E2F3: variants seen among roughly 807,000 people sequenced by gnomAD.
The protein encoded by E2F3 is E2F transcription factor 3, also known as transcription factor E2F3.
E2F3 carries 11 observed loss-of-function variants against 44.4 expected under a neutral mutation model. The ratio of observed to expected loss-of-function variants is 0.25; its 90% CI spans 0.16 to 0.41. The LOEUF (loss-of-function observed/expected upper bound fraction) is 0.41, where lower values mean the gene tolerates loss of function less well. E2F3 is among the 10% of genes least tolerant of loss of function. E2F3 has a pLI of 1.00. For synonymous variants in E2F3, 249 were observed against 253.0 expected, an observed-to-expected ratio of 0.98 and a Z score of 0.15; for missense variants, 487 against 583.6, an observed-to-expected ratio of 0.83 and a Z score of 1.70.
chr6:20,451,373 A>G (rs752576965), intron 1 of E2F3, among the ~76,000 whole-genome samples: 1 of 152,082 alleles, frequency 6.6e-6, no homozygotes, highest in Non-Finnish European at 1.5e-5. Flanking sequence ...AACTGTTGGT[A>G]TATGGGAATG....
chr6:20,480,176 A>ACTGT (rs1762174816), intron 2 of E2F3: 1 of 601,412 alleles, frequency 1.7e-6, no homozygotes, highest in African/African-American at 2.0e-5. Flanking sequence ...ACTTCTTTTA[A>ACTGT]CTGTATGTAG....
chr6:20,416,913 G>A (rs149973941), intron 1 of E2F3, among the ~76,000 whole-genome samples: 124 of 152,104 alleles, frequency 8.2e-4, no homozygotes, highest in African/African-American at 2.9e-3. Context: ...CCTTTAAATG[G>A]GAGGGCTTTG....
At chr6:20,461,034 A>G (rs1185646883) in intron 1 of E2F3, among the ~76,000 whole-genome samples, 3 of 141,058 alleles carry the variant, frequency 2.1e-5, no homozygotes, top group East Asian at 4.2e-4. Flanking sequence ...AGCCATGTAT[A>G]TTTTAAATAT....
intron 1 of E2F3, among the ~76,000 whole-genome samples, chr6:20,420,748 G>T (rs1167142651): frequency 6.6e-6 from 1 of 152,194 alleles, no homozygotes; most frequent in African/African-American, 2.4e-5. Context: ...TCACACTGAA[G>T]ACTGTTGCTG....
At chr6:20,454,896 T>C (rs760631137) in intron 1 of E2F3, among the ~76,000 whole-genome samples, 4 of 152,274 alleles carry the variant, frequency 2.6e-5, no homozygotes, top group Non-Finnish European at 5.9e-5. Context: ...GACATTAGAC[T>C]CCACTGGATA....
intron 1 of E2F3, among the ~76,000 whole-genome samples, chr6:20,478,582 G>A (rs1201789744): frequency 6.6e-6 from 1 of 152,198 alleles, no homozygotes; most frequent in Non-Finnish European, 1.5e-5. Flanking sequence ...GCCAAGGTGG[G>A]CAGATCACCA....
Position 20,402,570 on chromosome 6 carries a change from T to C in E2F3, c.338T>C (p.Leu113Pro). ...PHGPSSRAGL[L>P]QQPPALGRGG... is the part of the protein sequence containing the mutation. ...GGACCCTCCAGCAGAGCCGGGCTGC[T>C]GCAGCAGCCACCAGCGCTGGGACGC... The change falls in exon 1 of 7, where the codon CTG (leucine) becomes CCG (proline). Residue 113 changes from leucine (L) to proline (P), a missense_variant. Coordinates refer to ENST00000346618, the MANE Select transcript of E2F3 (RefSeq NM_001949.5). This position sits in a 1 kb window ranked among gnomAD's most constrained non-coding sequence, Gnocchi z 5.6. 6.5e-7 allele frequency: 1 copy of C among 1,526,784 alleles called. No individual in the cohort carries two copies. The highest frequency in any genetic ancestry group is 1.2e-5 in the South Asian group (1 of 83,628). The allele number at this position is 1,526,784 out of a possible 1,614,324, so 94.6% of individuals were successfully genotyped here. A position where few individuals can be genotyped will look rare whatever the true frequency, so the allele number is the denominator to read the frequency against.
intron 1 of E2F3, chr6:20,445,248 T>A: frequency 3.8e-6 from 1 of 261,704 alleles, no homozygotes; most frequent in Non-Finnish European, 5.2e-6. Context: ...ATTTTCTCCC[T>A]TTTTTTTTTT....
chr6:20,490,592 A>T lies in E2F3; in HGVS notation c.*162A>T, dbSNP rs1762528231. On this transcript the variant is annotated 3_prime_UTR_variant, in exon 7 of 7. Transcript: ENST00000346618. This position sits in a 1 kb window ranked among gnomAD's most constrained non-coding sequence, Gnocchi z 4.3. ...AAGCTGACATTTTAATGAATTTTTT[A>T]AAAAATTAATAAACAAATTGTCTAA... The T allele has an allele frequency of 1.3e-5, 10 of 761,886 alleles. No homozygotes were observed. Among genetic ancestry groups the T allele is most frequent in the African/African-American group, 7.3e-5 (4 of 54,770 alleles). 47.2% of individuals were successfully genotyped at this position (761,886 alleles called of 1,614,324 possible). A position where few individuals can be genotyped will look rare whatever the true frequency, so the allele number is the denominator to read the frequency against.
intron 3 of E2F3, among the ~76,000 whole-genome samples, chr6:20,482,400 T>A (rs1247365736): frequency 4.6e-5 from 7 of 150,548 alleles, no homozygotes; most frequent in African/African-American, 1.7e-4. Flanking sequence ...TCTATCTTTT[T>A]ATCCTTTTTC....
intron 1 of E2F3, among the ~76,000 whole-genome samples, chr6:20,447,356 G>A (rs560739358): frequency 4.0e-5 from 6 of 151,830 alleles, no homozygotes; most frequent in Admixed American, 1.3e-4. Context: ...GAGAGAGAGA[G>A]AAAGAGAAAG....
At chr6:20,410,868 C>T (rs1345456531) in intron 1 of E2F3, among the ~76,000 whole-genome samples, 7 of 152,186 alleles carry the variant, frequency 4.6e-5, no homozygotes, top group Admixed American at 2.0e-4. Flanking sequence ...GTGATCTGCC[C>T]GCCTCGGCCT....
Position 20,479,907 on chromosome 6 carries a change from C to A in E2F3, c.455C>A (p.Thr152Asn), listed in dbSNP as rs1355707187. 3 of 1,612,820 alleles carry A rather than the reference C, an allele frequency of 1.9e-6. No homozygotes were observed. Among genetic ancestry groups the A allele is most frequent in the Non-Finnish European group, 2.5e-6 (3 of 1,179,476 alleles). The part of the protein sequence containing the change: ...GHQYLSDGLK[T>N]PKGKGRAALR... ...CAGTACCTCTCAGATGGTTTAAAAA[C>A]CCCCAAGGGCAAAGGAAGAGCTGCA... The change falls in exon 2 of 7, where the codon ACC becomes AAC. Residue 152 changes from threonine to asparagine, a missense_variant. Transcript: ENST00000346618.
At chr6:20,444,366 G>A (rs1355479898) in intron 1 of E2F3, among the ~76,000 whole-genome samples, 4 of 152,014 alleles carry the variant, frequency 2.6e-5, no homozygotes, top group Non-Finnish European at 5.9e-5. Flanking sequence ...CAACAAGTTC[G>A]GTCTTTATGA....
intron 1 of E2F3, among the ~76,000 whole-genome samples, chr6:20,441,923 C>G (rs1760789181): frequency 6.6e-6 from 1 of 151,890 alleles, no homozygotes; most frequent in African/African-American, 2.4e-5. Context: ...GGTGCCCCAT[C>G]TTACAATCCT....
chr6:20,461,411 G>A (rs1005778545), intron 1 of E2F3, among the ~76,000 whole-genome samples: 3 of 152,024 alleles, frequency 2.0e-5, no homozygotes, highest in Non-Finnish European at 4.4e-5. Flanking sequence ...GGAGAATGGC[G>A]TGAACCCGGG....
chr6:20,487,730 CTTT>C (rs764035255), intron 5 of E2F3, among the ~76,000 whole-genome samples: 28 of 152,192 alleles, frequency 1.8e-4, no homozygotes, highest in Non-Finnish European at 2.8e-4. Context: ...ACTCAGCAAA[CTTT>C]TTCATTGAAG....
chr6:20,480,053 C>T lies in E2F3; in HGVS notation c.505+96C>T. On this transcript the variant is annotated intron_variant, in intron 2 of 6. Transcript: ENST00000346618. ...GAAGGATGCCAAGGTGTGAATAATT[C>T]TGGCATGTTTTGTTCTTTTTCATTT... The T allele has an allele frequency of 3.4e-6, 5 of 1,476,408 alleles. No individual in the cohort carries two copies. The South Asian group carries it at 6.9e-5, about 20-fold the overall frequency. 91.5% of individuals were successfully genotyped at this position (1,476,408 alleles called of 1,614,324 possible). A position where few individuals can be genotyped will look rare whatever the true frequency, so the allele number is the denominator to read the frequency against.
intron 1 of E2F3, among the ~76,000 whole-genome samples, chr6:20,476,540 G>T (rs907987087): frequency 2.6e-5 from 4 of 152,182 alleles, no homozygotes; most frequent in Admixed American, 2.6e-4. Context: ...CCCTGGGAAG[G>T]CCCCATTCTC....
Sources: gnomAD v4.1 joint callset for allele counts (sites outside exome capture counted in the v4.1 genomes callset) on GRCh38, gnomAD v4.1.1 for gene constraint, Gnocchi (gnomAD v3.1) non-coding constraint, MANE v1.5 for transcripts, NCBI Gene and HGNC (gene_info 2026-07-23, HGNC 2026-07-21) for gene names.